NRG3: variants seen among roughly 807,000 people sequenced by gnomAD.
NRG3 encodes pro-neuregulin-3, membrane-bound isoform.
A neutral mutation model predicts 66.9 loss-of-function variants in NRG3; 31 were observed. That is an observed-to-expected ratio of 0.46 (90% confidence interval 0.35 to 0.63). The LOEUF (loss-of-function observed/expected upper bound fraction) is 0.63. NRG3 is among the 20% of genes least tolerant of loss of function. NRG3 has a pLI of 0.00. For missense variants in NRG3, 910 were observed against 878.9 expected (o/e 1.04, Z -0.45); for synonymous variants, 393 against 359.4 (o/e 1.09, Z -1.06).
At chr10:82,980,660 A>C (rs1160577186) in intron 8 of NRG3, among the ~76,000 whole-genome samples, 1 of 152,224 alleles carries the variant, frequency 6.6e-6, no homozygotes, top group Non-Finnish European at 1.5e-5. Context: ...CTTAAGGAAA[A>C]CTGGAAGATA....
chr10:82,067,360 C>T (rs989332338), intron 1 of NRG3, among the ~76,000 whole-genome samples: 3 of 152,196 alleles, frequency 2.0e-5, no homozygotes, highest in Admixed American at 6.5e-5. Flanking sequence ...TTGTTGTTGT[C>T]GTGGTTTGTT....
chr10:82,433,211 A>T (rs2089935796), intron 2 of NRG3, among the ~76,000 whole-genome samples: 1 of 151,968 alleles, frequency 6.6e-6, no homozygotes, highest in South Asian at 2.1e-4. Context: ...TTCCCTGATG[A>T]TCAGTGATAT....
At chr10:82,467,309 T>A (rs192315598) in intron 2 of NRG3, among the ~76,000 whole-genome samples, 87 of 152,332 alleles carry the variant, frequency 5.7e-4, no homozygotes, top group African/African-American at 2.0e-3. Context: ...CTTGCCCTTA[T>A]CCAAAAAGGT....
intron 2 of NRG3, among the ~76,000 whole-genome samples, chr10:82,518,659 CAT>C (rs1565017841): frequency 6.6e-6 from 1 of 152,028 alleles, no homozygotes. Flanking sequence ...TAACATAACT[CAT>C]ATTAACACTG....
intron 1 of NRG3, among the ~76,000 whole-genome samples, chr10:82,108,587 A>C (rs985158512): frequency 6.6e-6 from 1 of 152,232 alleles, no homozygotes; most frequent in Non-Finnish European, 1.5e-5. Context: ...CACCATGCTC[A>C]GTATTGTGAG....
At chr10:82,914,117 G>A (rs1254964327) in intron 4 of NRG3, among the ~76,000 whole-genome samples, 1 of 147,532 alleles carries the variant, frequency 6.8e-6, no homozygotes, top group Non-Finnish European at 1.5e-5. Context: ...TTCCATTTCA[G>A]TTTTTTTTTT....
chr10:82,783,040 A>G (rs893011485), intron 3 of NRG3, among the ~76,000 whole-genome samples: 2 of 152,202 alleles, frequency 1.3e-5, no homozygotes, highest in Non-Finnish European at 1.5e-5. Flanking sequence ...CCTGGGATGC[A>G]AGGCTGGTTC....
At chr10:81,899,885 C>T (rs1196492692) in intron 1 of NRG3, among the ~76,000 whole-genome samples, 1 of 152,054 alleles carries the variant, frequency 6.6e-6, no homozygotes, top group Non-Finnish European at 1.5e-5. Context: ...ATCTGGTTCC[C>T]AAAAACAAAT....
At chr10:82,849,585 C>T (rs552526108) in intron 3 of NRG3, among the ~76,000 whole-genome samples, 2 of 152,214 alleles carry the variant, frequency 1.3e-5, no homozygotes, top group African/African-American at 4.8e-5. Flanking sequence ...GGAAGTGCTG[C>T]TTTATATGAT....
At chr10:82,891,408 G>T (rs987430300) in intron 4 of NRG3, among the ~76,000 whole-genome samples, 3 of 151,880 alleles carry the variant, frequency 2.0e-5, no homozygotes, top group African/African-American at 7.2e-5. Context: ...CTATGCTTGT[G>T]ATACAGATTT....
At chr10:82,032,973 C>T (rs1466707872) in intron 1 of NRG3, among the ~76,000 whole-genome samples, 2 of 151,984 alleles carry the variant, frequency 1.3e-5, no homozygotes, top group Non-Finnish European at 2.9e-5. Flanking sequence ...TAATGACCCT[C>T]ATGCTGATAT....
At position 82,323,019 on chromosome 10, in the gene NRG3, A is replaced by AGAAAAAG. The variant is rs1429097356; in HGVS notation, c.824-35710_824-35704dup. 5.3e-5 allele frequency among the ~76,000 whole-genome samples: 8 copies of AGAAAAAG among 152,242 alleles called. No homozygotes were observed. In the East Asian group the frequency reaches 1.5e-3, roughly 29 times the overall value. ...TTACTAACGGGTAAGAATAAGGAGA[A>AGAAAAAG]GAAAAAGGAAAAAGGAGAAAAGGTA... On this transcript the variant is annotated intron_variant, in intron 1 of 8. Coordinates refer to ENST00000372141, the MANE Select transcript of NRG3 (RefSeq NM_001010848.4).
intron 3 of NRG3, among the ~76,000 whole-genome samples, chr10:82,839,924 C>G (rs1034906205): frequency 6.6e-6 from 1 of 152,014 alleles, no homozygotes; most frequent in Non-Finnish European, 1.5e-5. Context: ...ACAGATATCT[C>G]CAATTCCAAT....
chr10:82,327,973 C>T (rs1217450762), intron 1 of NRG3, among the ~76,000 whole-genome samples: 1 of 152,172 alleles, frequency 6.6e-6, no homozygotes, highest in Non-Finnish European at 1.5e-5. Context: ...ATATAAGGGA[C>T]CTCTTCTTAG....
intron 3 of NRG3, among the ~76,000 whole-genome samples, chr10:82,775,458 A>G (rs1385240268): frequency 6.6e-6 from 1 of 152,058 alleles, no homozygotes; most frequent in African/African-American, 2.4e-5. Flanking sequence ...TCATATACTT[A>G]TAGTTCAAAA....
At chr10:82,673,935 C>T (rs758131145) in intron 2 of NRG3, among the ~76,000 whole-genome samples, 6 of 152,098 alleles carry the variant, frequency 3.9e-5, no homozygotes, top group Non-Finnish European at 7.4e-5. Context: ...GGGTTCAAGA[C>T]TGAACCTTGG....
At position 82,896,191 on chromosome 10, in the gene NRG3, A is replaced by T. The variant is rs737127; in HGVS notation, c.1054+30754A>T. On this transcript the variant is annotated intron_variant, in intron 4 of 8. Transcript: ENST00000372141. ...CTGACATTTATTGAGCCTCTTCAAC[A>T]TGTGAGTTGTTTGACCAGGCATCTT... Among the ~76,000 whole-genome samples, 18 of 152,132 alleles carry T rather than the reference A, an allele frequency of 1.2e-4. No individual in the cohort carries two copies. The East Asian group carries it at 2.7e-3, about 23-fold the overall frequency.
At chr10:82,328,409 C>T (rs1407977703) in intron 1 of NRG3, among the ~76,000 whole-genome samples, 1 of 152,158 alleles carries the variant, frequency 6.6e-6, no homozygotes, top group Non-Finnish European at 1.5e-5. Flanking sequence ...TACATATTTA[C>T]AGGGTACATA....
At chr10:82,110,570 G>T (rs1353690051) in intron 1 of NRG3, among the ~76,000 whole-genome samples, 1 of 151,974 alleles carries the variant, frequency 6.6e-6, no homozygotes, top group Non-Finnish European at 1.5e-5. Context: ...AGTGGTAAAG[G>T]TGTCAGGGAG....
Sources: allele counts gnomAD v4.1 joint callset (sites outside exome capture counted in the v4.1 genomes callset), GRCh38; gene constraint gnomAD v4.1.1; transcripts MANE v1.5; gene names NCBI Gene and HGNC (gene_info 2026-07-23, HGNC 2026-07-21).